Variants in NEGR1 observed in about 807,000 individuals in gnomAD.
The protein encoded by NEGR1 is neuronal growth regulator 1, also known as IgLON family member 4.
A neutral mutation model predicts 40.9 loss-of-function variants in NEGR1; 10 were observed. That is an observed-to-expected ratio of 0.24 (90% CI 0.15 to 0.42). NEGR1 has a LOEUF of 0.42. NEGR1 is among the 10% of genes least tolerant of loss of function. NEGR1 has a pLI of 1.00. For synonymous variants in NEGR1, 185 were observed against 166.8 expected (o/e 1.11, Z -0.84); for missense variants, 352 against 438.9 (o/e 0.80, Z 1.77).
intron 1 of NEGR1, among the ~76,000 whole-genome samples, chr1:72,245,266 T>C (rs968185524): frequency 3.9e-5 from 6 of 152,090 alleles, no homozygotes; most frequent in African/African-American, 1.4e-4. Context: ...CCCAACAAAA[T>C]GTAATTGGTT....
chr1:71,825,833 ACTAG>A (rs1658599897), intron 2 of NEGR1, among the ~76,000 whole-genome samples: 1 of 151,978 alleles, frequency 6.6e-6, no homozygotes. Flanking sequence ...ATAGTAAAGA[ACTAG>A]CTAAACAAGT....
At chr1:71,464,804 A>T (rs1349867061) in intron 6 of NEGR1, among the ~76,000 whole-genome samples, 2 of 152,102 alleles carry the variant, frequency 1.3e-5, no homozygotes, top group Non-Finnish European at 2.9e-5. Context: ...TCACACGGTG[A>T]ACTGCAGCGT....
chr1:71,927,869 G>T (rs1489181202), intron 2 of NEGR1, among the ~76,000 whole-genome samples: 39 of 134,432 alleles, frequency 2.9e-4, no homozygotes, highest in African/African-American at 1.1e-3. Flanking sequence ...AGAGTGGTGT[G>T]CACCTGTAGT....
chr1:72,110,591 T>C (rs1050481467), intron 1 of NEGR1, among the ~76,000 whole-genome samples: 4 of 151,636 alleles, frequency 2.6e-5, no homozygotes, highest in African/African-American at 9.7e-5. Context: ...TTAAAAATAC[T>C]ATAAACCCGA....
chr1:71,834,747 G>C (rs1309393001), intron 2 of NEGR1, among the ~76,000 whole-genome samples: 1 of 152,002 alleles, frequency 6.6e-6, no homozygotes, highest in Non-Finnish European at 1.5e-5. Flanking sequence ...TTCTGAACAG[G>C]AAAAGACCTG....
At chr1:71,848,799 A>G (rs1659503892) in intron 2 of NEGR1, among the ~76,000 whole-genome samples, 1 of 152,094 alleles carries the variant, frequency 6.6e-6, no homozygotes, top group South Asian at 2.1e-4. Flanking sequence ...TAAGAAATAT[A>G]TTTCATGGCC....
At chr1:71,961,180 G>T (rs1646162725) in intron 1 of NEGR1, among the ~76,000 whole-genome samples, 1 of 151,976 alleles carries the variant, frequency 6.6e-6, no homozygotes, top group South Asian at 2.1e-4. Context: ...GCTGTGGGTG[G>T]GCTAAAGGCT....
intron 4 of NEGR1, among the ~76,000 whole-genome samples, chr1:71,636,658 AT>A (rs1196475655): frequency 6.6e-6 from 1 of 152,108 alleles, no homozygotes; most frequent in African/African-American, 2.4e-5. Flanking sequence ...TTCAGGGTAT[AT>A]TTGTATTCAA....
At chr1:72,144,734 AGGGTCTAGTGG>A (rs1299191377) in intron 1 of NEGR1, among the ~76,000 whole-genome samples, 1 of 152,082 alleles carries the variant, frequency 6.6e-6, no homozygotes, top group Non-Finnish European at 1.5e-5. Context: ...AGTGTGGAAC[AGGGTCTAGTGG>A]AACTCCATAC....
At chr1:71,690,517 T>C (rs778479628) in intron 4 of NEGR1, among the ~76,000 whole-genome samples, 26 of 149,618 alleles carry the variant, frequency 1.7e-4, no homozygotes, top group Non-Finnish European at 2.5e-4. Flanking sequence ...TATTAGAACA[T>C]GAATCTAGAG....
chr1:72,135,444 T>G (rs1007962131), intron 1 of NEGR1, among the ~76,000 whole-genome samples: 3 of 78,478 alleles, frequency 3.8e-5, no homozygotes, highest in African/African-American at 1.4e-4. Flanking sequence ...AAAAAAGAAA[T>G]AACTTTCTTC....
chr1:71,915,712 T>C (rs1286548248), intron 2 of NEGR1, among the ~76,000 whole-genome samples: 2 of 152,172 alleles, frequency 1.3e-5, no homozygotes. Context: ...TCCTTTCCAA[T>C]GTGTATGCCT....
At chr1:71,675,438 T>C (rs558637064) in intron 4 of NEGR1, among the ~76,000 whole-genome samples, 1 of 151,692 alleles carries the variant, frequency 6.6e-6, no homozygotes, top group East Asian at 2.0e-4. Flanking sequence ...GCTATAGATA[T>C]ATACAAATAT....
intron 1 of NEGR1, among the ~76,000 whole-genome samples, chr1:72,089,316 C>T (rs897646834): frequency 2.6e-5 from 4 of 152,108 alleles, no homozygotes; most frequent in African/African-American, 7.2e-5. Flanking sequence ...AAGAATAGTG[C>T]CTATCTTACA....
chr1:71,503,173 C>T (rs1022989680), intron 6 of NEGR1, among the ~76,000 whole-genome samples: 5 of 152,138 alleles, frequency 3.3e-5, no homozygotes, highest in Admixed American at 1.3e-4. Context: ...GGCCTAAAGA[C>T]CCTACTTGTA....
rs1281331851 is a variant in NEGR1 at position 72,027,468 on chromosome 1, C to CA, written c.177-92158dup. On this transcript the variant is annotated intron_variant, in intron 1 of 6. Transcript: ENST00000357731. ...AAAATACAAGTTTCTCTCAAAAAAA[C>CA]AAAAAAACAAAAAACAGAAAACCTG... 5.3e-5 allele frequency among the ~76,000 whole-genome samples: 8 copies of CA among 150,564 alleles called. No individual in the cohort carries two copies. In the South Asian group the frequency reaches 6.3e-4, roughly 12 times the overall value.
At chr1:72,190,429 CT>C (rs1414851295) in intron 1 of NEGR1, among the ~76,000 whole-genome samples, 11 of 151,474 alleles carry the variant, frequency 7.3e-5, no homozygotes, top group African/African-American at 2.4e-4. Context: ...AAAACGCTTA[CT>C]GATAATTAGC....
In NEGR1 at chr1:71,633,426, T is replaced by C. The variant is rs567770757; in HGVS notation, c.668-22280A>G. Among the ~76,000 whole-genome samples the C allele has an allele frequency of 5.3e-5, 8 of 152,224 alleles. No individual in the cohort carries two copies. In the South Asian group the frequency reaches 1.2e-3, roughly 24 times the overall value. The stretch of plus-strand genomic sequence containing the variant: ...TTCTGTGGCCTAAATTTGCATCTTT[T>C]GTGATTATGTTCTGGGAAGAATGGA... On this transcript the variant is annotated intron_variant, in intron 4 of 6. Coordinates refer to ENST00000357731, the MANE Select transcript of NEGR1 (RefSeq NM_173808.3).
At chr1:71,808,205 A>G (rs924812990) in intron 2 of NEGR1, among the ~76,000 whole-genome samples, 1 of 152,176 alleles carries the variant, frequency 6.6e-6, no homozygotes, top group South Asian at 2.1e-4. Flanking sequence ...AAATCACTTT[A>G]AAAATGAGGA....
Sources: allele counts gnomAD v4.1 joint callset (sites outside exome capture counted in the v4.1 genomes callset), GRCh38; gene constraint gnomAD v4.1.1; transcripts MANE v1.5; gene names NCBI Gene and HGNC (gene_info 2026-07-23, HGNC 2026-07-21).